The following JAK2 variants were observed in gnomAD, a reference collection of about 807,000 sequenced individuals.
JAK2 encodes the protein Janus kinase 2, also known as tyrosine-protein kinase JAK2.
JAK2 carries 86 observed loss-of-function variants against 139.3 expected under a neutral mutation model. The ratio of observed to expected loss-of-function variants is 0.62; its 90% CI spans 0.52 to 0.74. JAK2 has a LOEUF of 0.74. Ranked by LOEUF, JAK2 falls within the 30% of genes least tolerant of loss-of-function variation. The probability of loss-of-function intolerance (pLI) is 0.00; values close to 1 mark genes in which losing one functional copy is unlikely to be tolerated. For synonymous variants in JAK2, 490 were observed against 437.7 expected, an observed-to-expected ratio of 1.12 and a Z score of -1.49; for missense variants, 1,421 against 1,360.3, an observed-to-expected ratio of 1.04 and a Z score of -0.70.
At chr9:5,092,959 G>A (rs1368518998) in intron 22 of JAK2, among the ~76,000 whole-genome samples, 1 of 152,152 alleles carries the variant, frequency 6.6e-6, no homozygotes, top group Admixed American at 6.6e-5. Flanking sequence ...CATCGCCATA[G>A]TTGGCCCAAA....
chr9:5,112,997 A>G (rs1263343884), intron 22 of JAK2: 3 of 184,606 alleles, frequency 1.6e-5, no homozygotes, highest in Non-Finnish European at 3.4e-5. Context: ...TGAGGCTCAG[A>G]GTGATGGGGG....
At chr9:5,070,102 A>C (rs1212038955) in intron 12 of JAK2, 50 bp downstream of exon 12, 1 of 1,343,470 alleles carries the variant, frequency 7.4e-7, no homozygotes, top group Non-Finnish European at 1.0e-6. Flanking sequence ...TTAAAACAAC[A>C]TCTGTTTTCT....
Position 5,041,278 on chromosome 9 carries a change from G to A in JAK2, c.351-3125G>A, listed in dbSNP as rs1459117612. ...ACATCATCGACCTCGGGCTGGCCAAGGGGTACACTGGTCTCAGGACCAAGA... is the reference window on the plus strand; with the variant it reads ...ACATCATCGACCTCGGGCTGGCCAAAGGGTACACTGGTCTCAGGACCAAGA... On this transcript the variant is annotated intron_variant, in intron 4 of 24. Transcript: ENST00000381652. The A allele has an allele frequency of 5.6e-6, 6 of 1,080,390 alleles. No homozygotes were observed. The African/African-American group carries it at 9.3e-5, about 17-fold the overall frequency. 66.9% of individuals were successfully genotyped at this position (1,080,390 alleles called of 1,614,324 possible).
intron 2 of JAK2, among the ~76,000 whole-genome samples, chr9:5,014,676 C>G (rs1821929262): frequency 6.6e-6 from 1 of 152,092 alleles, no homozygotes; most frequent in African/African-American, 2.4e-5. Flanking sequence ...GACTGGTACA[C>G]TTAAGATTTG....
At chr9:5,044,337 T>C (rs2130324680) in intron 4 of JAK2, 66 bp from the exon 5 acceptor site, 1 of 940,182 alleles carries the variant, frequency 1.1e-6, no homozygotes, top group Non-Finnish European at 1.7e-6. Context: ...TAGGTGACTA[T>C]ATATAGATAG....
chr9:5,085,751 A>G (rs1344977675), intron 19 of JAK2: 7 of 755,238 alleles, frequency 9.3e-6, no homozygotes, highest in African/African-American at 1.7e-5. Context: ...CGCGCTGGCT[A>G]GCTTGCACAT....
intron 2 of JAK2, among the ~76,000 whole-genome samples, chr9:5,001,364 T>C (rs760081324): frequency 2.4e-4 from 37 of 152,150 alleles, no homozygotes; most frequent in Non-Finnish European, 3.4e-4. Context: ...TTCCCTTCTT[T>C]TTCTAATTTA....
chr9:5,001,391 CATG>C (rs1820919306), intron 2 of JAK2, among the ~76,000 whole-genome samples: 2 of 152,138 alleles, frequency 1.3e-5, no homozygotes, highest in South Asian at 4.1e-4. Context: ...GAAATTTTAT[CATG>C]AATTGGTGTT....
chr9:5,022,228 A>G lies in JAK2; in HGVS notation c.226+15A>G. On this transcript the variant is annotated intron_variant, in intron 3 of 24. Transcript: ENST00000381652. ...TAAAGCTTGTGGTAAGTATTAAAAA[A>G]CAGCATTTTCCTTTTTATGCATGGA... The G allele has an allele frequency of 6.3e-7, 1 of 1,582,914 alleles. No homozygotes were observed. Among genetic ancestry groups the G allele is most frequent in the Non-Finnish European group, 8.7e-7 (1 of 1,152,234 alleles).
chr9:5,127,831 A>G lies in JAK2; in HGVS notation c.*1040A>G, dbSNP rs1003974881. The G allele has an allele frequency of 4.3e-6, 1 of 232,648 alleles. No individual in the cohort carries two copies. Among genetic ancestry groups the G allele is most frequent in the Admixed American group, 5.6e-5 (1 of 17,768 alleles). The allele number at this position is 232,648 out of a possible 1,614,324, so 14.4% of individuals were successfully genotyped here. On this transcript the variant is annotated 3_prime_UTR_variant, in exon 25 of 25. Transcript: ENST00000381652. ...AGACTGTATATTTGAGGGGTTTCAG[A>G]ATTTTGCATTGCAGTCATAGAAGAG...
chr9:5,080,015 C>T (rs1009228142), intron 16 of JAK2, among the ~76,000 whole-genome samples: 1 of 152,116 alleles, frequency 6.6e-6, no homozygotes, highest in Admixed American at 6.6e-5. Context: ...TCCATGTTGT[C>T]ATTGTTAAAG....
chr9:5,097,872 T>A (rs1182212614), intron 22 of JAK2: 1 of 152,230 alleles, frequency 6.6e-6, no homozygotes, highest in East Asian at 1.9e-4. Flanking sequence ...GGTTATATGC[T>A]TAATCAGACC....
In JAK2 at chr9:5,112,418, G is replaced by A. The variant is rs551569766; in HGVS notation, c.3060-10586G>A. The stretch of plus-strand genomic sequence containing the variant: ...GGGAGGAGGAGGATGAGGAGAACAC[G>A]TCGGCGGCTGACCACTCAAGAGGAG... On this transcript the variant is annotated intron_variant, in intron 22 of 24. Coordinates refer to ENST00000381652, the MANE Select transcript of JAK2 (RefSeq NM_004972.4). 2.1e-5 allele frequency: 10 copies of A among 486,998 alleles called. 1 individual carries two copies. The highest frequency in any genetic ancestry group is 1.5e-4 in the South Asian group (6 of 39,904). The allele number at this position is 486,998 out of a possible 1,614,324, so 30.2% of individuals were successfully genotyped here. A position where few individuals can be genotyped will look rare whatever the true frequency, so the allele number is the denominator to read the frequency against.
intron 3 of JAK2, among the ~76,000 whole-genome samples, chr9:5,029,119 T>C (rs898541691): frequency 1.2e-4 from 18 of 152,214 alleles, no homozygotes; most frequent in African/African-American, 4.1e-4. Flanking sequence ...GTGAGAGATA[T>C]GAAACTCTTT....
intron 23 of JAK2, among the ~76,000 whole-genome samples, chr9:5,125,262 A>G (rs534318096): frequency 3.3e-5 from 5 of 151,036 alleles, no homozygotes; most frequent in Non-Finnish European, 7.4e-5. Context: ...TTATATAAAT[A>G]TATATTATTT....
At chr9:5,102,905 G>A (rs1016722324) in intron 22 of JAK2, among the ~76,000 whole-genome samples, 4 of 152,006 alleles carry the variant, frequency 2.6e-5, no homozygotes, top group Non-Finnish European at 5.9e-5. Context: ...CACTAAACAT[G>A]GAAAGGAACA....
rs370427680 is a variant in JAK2, at chr9:5,127,129, A to G, written c.*338A>G. On this transcript the variant is annotated 3_prime_UTR_variant, in exon 25 of 25. Transcript: ENST00000381652. ...GAAAAAATTATTATGTAAATTTTGCAATGTTAAAGATGCACAGAATATGTA... is the reference window on the plus strand; with the variant it reads ...GAAAAAATTATTATGTAAATTTTGCGATGTTAAAGATGCACAGAATATGTA... 3.7e-6 allele frequency: 1 copy of G among 268,522 alleles called. No individual in the cohort carries two copies. The highest frequency in any genetic ancestry group is 2.2e-5 in the African/African-American group (1 of 45,710). The allele number at this position is 268,522 out of a possible 1,614,324, so 16.6% of individuals were successfully genotyped here.
At chr9:5,021,639 A>C (rs905223450) in intron 2 of JAK2, among the ~76,000 whole-genome samples, 1 of 152,024 alleles carries the variant, frequency 6.6e-6, no homozygotes, top group South Asian at 2.1e-4. Context: ...TTATGTATTC[A>C]TTTTTGAGAC....
At chr9:5,109,411 T>C (rs1288100360) in intron 22 of JAK2, 2 of 152,170 alleles carry the variant, frequency 1.3e-5, no homozygotes, top group Admixed American at 1.3e-4. Context: ...CCTAACAATA[T>C]GGCTTTCTCA....
Sources: allele counts gnomAD v4.1 joint callset (sites outside exome capture counted in the v4.1 genomes callset), GRCh38; gene constraint gnomAD v4.1.1; transcripts MANE v1.5; gene names NCBI Gene and HGNC (gene_info 2026-07-23, HGNC 2026-07-21).